TM4SF5: variants seen among roughly 807,000 people sequenced by gnomAD.
TM4SF5 encodes transmembrane 4 L6 family member 5.
Under a neutral mutation model 22.3 loss-of-function variants are expected in TM4SF5, and 16 were observed. The ratio of observed to expected loss-of-function variants is 0.72; its 90% confidence interval spans 0.49 to 1.09. The LOEUF (loss-of-function observed/expected upper bound fraction) is 1.09. TM4SF5 is among the 50% of genes least tolerant of loss of function. The probability of loss-of-function intolerance (pLI) is 0.00; values close to 1 mark genes in which losing one functional copy is unlikely to be tolerated. For missense variants in TM4SF5, 249 were observed against 266.1 expected (o/e 0.94, Z 0.45); for synonymous variants, 113 against 109.6 (o/e 1.03, Z -0.19).
intron 1 of TM4SF5, among the ~76,000 whole-genome samples, chr17:4,776,193 C>T (rs1194114755): frequency 6.6e-6 from 1 of 152,088 alleles, no homozygotes; most frequent in Admixed American, 6.6e-5. Context: ...TGAGAGCCAC[C>T]CATATTATCA....
chr17:4,780,770 A>G lies in TM4SF5; in HGVS notation c.178-19A>G. 6.2e-7 allele frequency: 1 copy of G among 1,601,746 alleles called. No individual in the cohort carries two copies. The highest frequency in any genetic ancestry group is 1.3e-5 in the African/African-American group (1 of 74,562). On this transcript the variant is annotated intron_variant, in intron 1 of 4. Transcript: ENST00000270560. ...AGGATCTGGGGGGACGTGCTATAACAATGACTCTTGTCCCACAGGTACTGT... is the reference window on the plus strand; with the variant it reads ...AGGATCTGGGGGGACGTGCTATAACGATGACTCTTGTCCCACAGGTACTGT...
chr17:4,780,692 G>T, intron 1 of TM4SF5, 97 bp from the exon 2 acceptor site: 1 of 898,712 alleles, frequency 1.1e-6, no homozygotes, highest in South Asian at 1.7e-5. Context: ...AGGGCTGAAG[G>T]CATCACAGGC....
chr17:4,782,561 C>A lies in TM4SF5; in HGVS notation c.317C>A (p.Ser106Ter). ...FGVLGAIYCL[S>*]VSGAGLRNGP... ...GTGCTTGGTGCCATCTACTGCCTCT[C>A]GGTGTCTGGAGCTGGGCTCCGAAAT... Residue 106 changes from serine (S) to a stop codon, truncating the protein, a stop_gained, in exon 3 of 5, where the codon TCG becomes TAG. Coordinates refer to ENST00000270560, the MANE Select transcript of TM4SF5 (RefSeq NM_003963.3). LOFTEE classifies it high-confidence loss of function. 2 of 1,614,116 alleles carry A rather than the reference C, an allele frequency of 1.2e-6. No individual in the cohort carries two copies. The highest frequency in any genetic ancestry group is 1.7e-6 in the Non-Finnish European group (2 of 1,180,006).
chr17:4,779,690 G>A (rs1366076258), intron 1 of TM4SF5, among the ~76,000 whole-genome samples: 1 of 152,186 alleles, frequency 6.6e-6, no homozygotes, highest in Non-Finnish European at 1.5e-5. Context: ...TTCCACTGAT[G>A]GAGACAAGAA....
rs557850555 is a variant in TM4SF5 at position 4,773,280 on chromosome 17, G to A, written c.177+1181G>A. 2.0e-5 allele frequency among the ~76,000 whole-genome samples: 3 copies of A among 152,092 alleles called. No individual in the cohort carries two copies. In the South Asian group the frequency reaches 6.2e-4, roughly 32 times the overall value. Reference sequence around the variant, plus strand: ...ACTCCTGGATTCAAGTGATCCTCCTGCCTCAGCCTCCCAAAGTGCTAGAAT... The same window carrying A: ...ACTCCTGGATTCAAGTGATCCTCCTACCTCAGCCTCCCAAAGTGCTAGAAT... On this transcript the variant is annotated intron_variant, in intron 1 of 4. Transcript: ENST00000270560.
intron 1 of TM4SF5, among the ~76,000 whole-genome samples, chr17:4,772,724 T>TG (rs1254237242): frequency 1.1e-4 from 17 of 150,660 alleles, no homozygotes; most frequent in Admixed American, 7.3e-4. Flanking sequence ...TTTTGTTTTT[T>TG]TTTTTTTTTG....
At chr17:4,778,786 G>A (rs923583367) in intron 1 of TM4SF5, among the ~76,000 whole-genome samples, 9 of 151,838 alleles carry the variant, frequency 5.9e-5, no homozygotes, top group Admixed American at 2.0e-4. Context: ...GGCCAGGCGC[G>A]GTGGCTCACG....
At chr17:4,776,995 C>T (rs1279601071) in intron 1 of TM4SF5, among the ~76,000 whole-genome samples, 2 of 151,884 alleles carry the variant, frequency 1.3e-5, no homozygotes, top group African/African-American at 2.4e-5. Flanking sequence ...GTCAGGAGTT[C>T]GAGACCAGCC....
chr17:4,780,886 G>C lies in TM4SF5; in HGVS notation c.258+17G>C. 1 of 1,610,590 alleles carries C rather than the reference G, an allele frequency of 6.2e-7. No individual in the cohort carries two copies. The highest frequency in any genetic ancestry group is 8.5e-7 in the Non-Finnish European group (1 of 1,178,074). On this transcript the variant is annotated intron_variant, in intron 2 of 4. Transcript: ENST00000270560. ...CGCTGCAGGGTAAGATCCAGATTAA[G>C]AAGGAATTCAGGGCTGGGGGTGGTG... is the stretch of plus-strand genomic sequence containing the variant.
intron 1 of TM4SF5, among the ~76,000 whole-genome samples, chr17:4,775,745 G>A (rs563817553): frequency 9.2e-5 from 14 of 152,154 alleles, no homozygotes; most frequent in African/African-American, 2.2e-4. Context: ...CACCACACAC[G>A]GAACCCCAGA....
chr17:4,776,290 T>TG (rs376507654), intron 1 of TM4SF5, among the ~76,000 whole-genome samples: 13 of 150,760 alleles, frequency 8.6e-5, no homozygotes, highest in African/African-American at 3.2e-4. Context: ...TTTGTTTGTT[T>TG]TTTTGCTTTT....
intron 1 of TM4SF5, among the ~76,000 whole-genome samples, chr17:4,772,757 C>T (rs940642529): frequency 6.6e-6 from 1 of 151,038 alleles, no homozygotes; most frequent in African/African-American, 2.4e-5. Flanking sequence ...TCTCTGTTGC[C>T]CAGGCTGGAG....
At chr17:4,772,290 G>A (rs1917125772) in intron 1 of TM4SF5, among the ~76,000 whole-genome samples, 191 bp downstream of exon 1, 1 of 152,146 alleles carries the variant, frequency 6.6e-6, no homozygotes, top group Admixed American at 6.6e-5. Context: ...TGTCTGTGGG[G>A]CACAGAAAGG....
At chr17:4,778,712 T>C (rs990534405) in intron 1 of TM4SF5, among the ~76,000 whole-genome samples, 10 of 151,886 alleles carry the variant, frequency 6.6e-5, no homozygotes, top group Non-Finnish European at 1.0e-4. Context: ...AAGATAAAGG[T>C]AACGGAGCCA....
chr17:4,780,760 G>A (rs773045596), intron 1 of TM4SF5, 29 bp from the exon 2 acceptor site: 41 of 1,586,146 alleles, frequency 2.6e-5, no homozygotes, highest in East Asian at 6.9e-5. Context: ...CTGGGGGGAC[G>A]TGCTATAACA....
chr17:4,782,536 G>C lies in TM4SF5; in HGVS notation c.292G>C (p.Val98Leu), dbSNP rs758293791. 1 of 1,614,054 alleles carries C rather than the reference G, an allele frequency of 6.2e-7. No individual in the cohort carries two copies. The highest frequency in any genetic ancestry group is 2.2e-5 in the East Asian group (1 of 44,860). The stretch of plus-strand genomic sequence containing the variant: ...CTCGGTCTTCTCCTCGGCGTTCGGG[G>C]TGCTTGGTGCCATCTACTGCCTCTC... Reference protein sequence around the residue: ...LRSVFSSAFGVLGAIYCLSVS... With the variant: ...LRSVFSSAFGLLGAIYCLSVS... The change falls in exon 3 of 5, where the codon GTG (valine) becomes CTG (leucine). Residue 98 changes from valine to leucine, a missense_variant. Transcript: ENST00000270560.
intron 2 of TM4SF5, among the ~76,000 whole-genome samples, chr17:4,781,222 C>T (rs1405690750): frequency 4.0e-5 from 6 of 151,346 alleles, no homozygotes; most frequent in African/African-American, 1.5e-4. Context: ...CCCAGCTACT[C>T]AGGAGGCTGA....
At chr17:4,777,240 G>A (rs1049790729) in intron 1 of TM4SF5, among the ~76,000 whole-genome samples, 3 of 151,754 alleles carry the variant, frequency 2.0e-5, no homozygotes, top group Non-Finnish European at 4.4e-5. Context: ...CTGAGGTCAC[G>A]GAAGACATCC....
chr17:4,776,001 C>T (rs905483834), intron 1 of TM4SF5, among the ~76,000 whole-genome samples: 16 of 151,358 alleles, frequency 1.1e-4, no homozygotes, highest in South Asian at 2.1e-4. Context: ...TGAGCCACCA[C>T]GCCTGGCTAA....
Sources: gnomAD v4.1 joint callset for allele counts (sites outside exome capture counted in the v4.1 genomes callset) on GRCh38, gnomAD v4.1.1 for gene constraint, MANE v1.5 for transcripts, NCBI Gene and HGNC (gene_info 2026-07-23, HGNC 2026-07-21) for gene names.